The following PRSS57 variants were observed in gnomAD, a reference collection of about 807,000 sequenced individuals.
The protein encoded by PRSS57 is serine protease 57, also known as neutrophil serine protease 4.
In PRSS57, 19 loss-of-function variants were observed where a neutral mutation model predicts 20.6. That is an observed-to-expected ratio of 0.92 (90% CI 0.64 to 1.35). The LOEUF is 1.35. Among genes scored for constraint, PRSS57 ranks in the 40% most tolerant of loss-of-function variants. PRSS57 has a pLI of 0.00. For synonymous variants in PRSS57, 203 were observed against 176.6 expected (o/e 1.15, Z -1.19); for missense variants, 440 against 403.7 (o/e 1.09, Z -0.77).
Position 687,126 on chromosome 19 carries a change from G to A in PRSS57, c.441C>T (p.Ala147=), listed in dbSNP as rs757466728. ...VGLLRPPGRR[A]RPPTAGTRCR... ...ACCGTGTCCCCGCTGTGGGGGGCCTGGCCCTTCTCCCTGGCGGCCTCAGCA... is the reference window on the plus strand; with the variant it reads ...ACCGTGTCCCCGCTGTGGGGGGCCTAGCCCTTCTCCCTGGCGGCCTCAGCA... The change falls in exon 4 of 5, where the codon GCC becomes GCT. Residue 147 remains alanine (A), a synonymous_variant. Transcript: ENST00000329267. The A allele has an allele frequency of 6.2e-7, 1 of 1,609,824 alleles. No homozygotes were observed. Among genetic ancestry groups the A allele is most frequent in the South Asian group, 1.1e-5 (1 of 90,700 alleles).
intron 3 of PRSS57, among the ~76,000 whole-genome samples, chr19:688,944 G>A (rs937536235): frequency 2.6e-5 from 4 of 152,164 alleles, no homozygotes; most frequent in South Asian, 4.1e-4. Flanking sequence ...GCAGGGGCCC[G>A]AGAGGCACAT....
At chr19:689,579 G>A (rs1031043087) in intron 3 of PRSS57, among the ~76,000 whole-genome samples, 1 of 152,076 alleles carries the variant, frequency 6.6e-6, no homozygotes, top group Admixed American at 6.5e-5. Flanking sequence ...GCCACTGGGG[G>A]GTCCAGGGCA....
chr19:691,131 G>C (rs570410367), intron 3 of PRSS57: 2 of 221,020 alleles, frequency 9.0e-6, no homozygotes, highest in South Asian at 8.9e-5. Flanking sequence ...ACTCACACCA[G>C]AGTCTCCGTG....
chr19:693,103 A>AT lies in PRSS57; in HGVS notation c.234-1102dup, dbSNP rs545511003. On this transcript the variant is annotated intron_variant, in intron 2 of 4. Transcript: ENST00000329267. ...CCACCATATCCGGCTAATTTTTTGT[A>AT]TTTTTTTTTAGTAGAGACAGGGTTT... Among the ~76,000 whole-genome samples the AT allele has an allele frequency of 8.4e-3, 1,231 of 146,566 alleles. 8 individuals are homozygous for AT. The highest frequency in any genetic ancestry group is 0.014 in the Non-Finnish European group (934 of 66,504).
At position 685,771 on chromosome 19, in the gene PRSS57, C is replaced by A; in HGVS notation, c.794G>T (p.Ser265Ile). Residue 265 changes from serine to isoleucine, a missense_variant, in exon 5 of 5, where the codon AGT (serine) becomes ATT (isoleucine). Transcript: ENST00000329267. ...CCCAGGCAGGGGGCCGGGCTGGGGA[C>A]TGCTCCGCCGAACCACGTCCCAGAT... ...AWIWDVVRRS[S>I]PQPGPLPGTT... is the part of the protein sequence containing the mutation. The A allele has an allele frequency of 6.4e-7, 1 of 1,565,962 alleles. No individual in the cohort carries two copies. Among genetic ancestry groups the A allele is most frequent in the East Asian group, 2.4e-5 (1 of 42,124 alleles).
intron 4 of PRSS57, 108 bp downstream of exon 4, chr19:686,817 T>C: frequency 7.2e-7 from 1 of 1,381,230 alleles, no homozygotes; most frequent in Non-Finnish European, 9.9e-7. Flanking sequence ...CTCCGTCTGG[T>C]CCAACATCAA....
In PRSS57 at chr19:687,071, C is replaced by T; in HGVS notation, c.496G>A (p.Asp166Asn). 6.2e-7 allele frequency: 1 copy of T among 1,614,024 alleles called. No individual in the cohort carries two copies. Among genetic ancestry groups the T allele is most frequent in the Non-Finnish European group, 8.5e-7 (1 of 1,180,004 alleles). ...AGTCCAGGCGGCAGCTCCTCAAAGT[C>T]AGACACGAAGCCCCAGCCAGCCACC... is the stretch of plus-strand genomic sequence containing the variant. ...CRVAGWGFVS[D>N]FEELPPGLME... Residue 166 changes from aspartate to asparagine, a missense_variant, in exon 4 of 5, where the codon GAC (aspartate) becomes AAC (asparagine). Coordinates refer to ENST00000329267, the MANE Select transcript of PRSS57 (RefSeq NM_001308209.2).
chr19:691,925 A>T lies in PRSS57; in HGVS notation c.311T>A (p.Ile104Asn), dbSNP rs771434112. The change falls in exon 3 of 5, where the codon ATC (isoleucine) becomes AAC (asparagine). Residue 104 changes from isoleucine (I) to asparagine (N), a missense_variant. Ile to Asn is a moderately radical substitution (Grantham distance 149). Transcript: ENST00000329267. ...GTCGGGGTGTGTGGTGAGAGCATCG[A>T]TGCCAAACACCTGCTGGGTGGGCTC... is the stretch of plus-strand genomic sequence containing the variant. Reference protein sequence around the residue: ...TAEPTQQVFGIDALTTHPDYH... With the variant: ...TAEPTQQVFGNDALTTHPDYH... The T allele has an allele frequency of 3.7e-6, 5 of 1,336,422 alleles. No individual in the cohort carries two copies. In the East Asian group the frequency reaches 1.1e-4, roughly 30 times the overall value. The allele number at this position is 1,336,422 out of a possible 1,614,324, so 82.8% of individuals were successfully genotyped here.
At position 695,234 on chromosome 19, in the gene PRSS57, G is replaced by A. The variant is rs116151895; in HGVS notation, c.79+118C>T. Reference sequence around the variant, plus strand: ...CCAGCAGAGGCAGCCACGGGGGCTCGGCAGATGGAGCAGGTGGAGCTCTCC... The same window carrying A: ...CCAGCAGAGGCAGCCACGGGGGCTCAGCAGATGGAGCAGGTGGAGCTCTCC... On this transcript the variant is annotated intron_variant, in intron 1 of 4. Transcript: ENST00000329267. The A allele has an allele frequency of 8.2e-3, 4,122 of 501,336 alleles. 98 individuals are homozygous for A. Among genetic ancestry groups the A allele is most frequent in the African/African-American group, 0.054 (2,722 of 50,344 alleles). The allele number at this position is 501,336 out of a possible 1,614,324, so 31.1% of individuals were successfully genotyped here.
chr19:694,379 C>A (rs1436184570), intron 2 of PRSS57, among the ~76,000 whole-genome samples: 2 of 151,754 alleles, frequency 1.3e-5, no homozygotes, highest in Non-Finnish European at 2.9e-5. Flanking sequence ...ACCAGCCTGG[C>A]CAACATGGTG....
Position 685,683 on chromosome 19 carries a change from G to C in PRSS57, c.*33C>G. On this transcript the variant is annotated 3_prime_UTR_variant, in exon 5 of 5. Coordinates refer to ENST00000329267, the MANE Select transcript of PRSS57 (RefSeq NM_001308209.2). ...CCACGGAACATTCCAGGCCTGGAGC[G>C]GCCATCTCATTTGCATGCCGCAAGG... The C allele has an allele frequency of 6.7e-7, 1 of 1,488,500 alleles. No individual in the cohort carries two copies. The highest frequency in any genetic ancestry group is 1.3e-5 in the South Asian group (1 of 78,408). 92.2% of individuals were successfully genotyped at this position (1,488,500 alleles called of 1,614,324 possible). A position where few individuals can be genotyped will look rare whatever the true frequency, so the allele number is the denominator to read the frequency against.
chr19:693,492 A>G (rs1008691042), intron 2 of PRSS57, among the ~76,000 whole-genome samples: 13 of 152,064 alleles, frequency 8.5e-5, no homozygotes, highest in Non-Finnish European at 1.6e-4. Flanking sequence ...AATCCATTTA[A>G]TGCTCACGCC....
intron 3 of PRSS57, among the ~76,000 whole-genome samples, chr19:688,344 C>T (rs545269513): frequency 1.4e-5 from 2 of 143,564 alleles, no homozygotes; most frequent in Admixed American, 6.8e-5. Flanking sequence ...GCTCCTCCTC[C>T]TTTTTTTTTT....
At position 695,445 on chromosome 19, in the gene PRSS57, G is replaced by A. The variant is rs1006804233; in HGVS notation, c.-15C>T. ...CCGAGCCCCATGGCAGACGCAGGCT[G>A]GCGTCTCCCCGCAGAGGTCTTCGGG... On this transcript the variant is annotated 5_prime_UTR_variant, in exon 1 of 5. Coordinates refer to ENST00000329267, the MANE Select transcript of PRSS57 (RefSeq NM_001308209.2). 1 of 1,249,140 alleles carries A rather than the reference G, an allele frequency of 8.0e-7. No homozygotes were observed. The highest frequency in any genetic ancestry group is 1.5e-5 in the African/African-American group (1 of 65,152). The allele number at this position is 1,249,140 out of a possible 1,614,324, so 77.4% of individuals were successfully genotyped here. A position where few individuals can be genotyped will look rare whatever the true frequency, so the allele number is the denominator to read the frequency against.
At chr19:693,280 C>G (rs1027475838) in intron 2 of PRSS57, among the ~76,000 whole-genome samples, 1 of 136,926 alleles carries the variant, frequency 7.3e-6, no homozygotes, top group Non-Finnish European at 1.5e-5. Flanking sequence ...TCACCCAGGC[C>G]GCAGTGGTGT....
In PRSS57 at chr19:685,554, A is replaced by T; in HGVS notation, c.*162T>A. ...CACGGGTGAGGCTGGAAGTCAGTTA[A>T]CATTTTACTGGGTTTGCTTCTGCCC... On this transcript the variant is annotated 3_prime_UTR_variant, in exon 5 of 5. Transcript: ENST00000329267. 1.5e-6 allele frequency: 1 copy of T among 686,690 alleles called. No homozygotes were observed. The highest frequency in any genetic ancestry group is 2.8e-5 in the East Asian group (1 of 36,324). 42.5% of individuals were successfully genotyped at this position (686,690 alleles called of 1,614,324 possible).
In PRSS57 at chr19:693,015, C is replaced by A. The variant is rs554660994; in HGVS notation, c.234-1013G>T. On this transcript the variant is annotated intron_variant, in intron 2 of 4. Transcript: ENST00000329267. ...CAATCTTGGCTCTCTGCAAGCTCCACCTCCCGGGTTCACGCCATTCTCCTG... is the reference window on the plus strand; with the variant it reads ...CAATCTTGGCTCTCTGCAAGCTCCAACTCCCGGGTTCACGCCATTCTCCTG... Among the ~76,000 whole-genome samples, 4 of 151,458 alleles carry A rather than the reference C, an allele frequency of 2.6e-5. No individual in the cohort carries two copies. The East Asian group carries it at 7.8e-4, about 29-fold the overall frequency.
Position 685,904 on chromosome 19 carries a change from G to A in PRSS57, c.661C>T (p.Leu221=). The change falls in exon 5 of 5, where the codon CTG becomes TTG. Residue 221 remains leucine, a synonymous_variant. Coordinates refer to ENST00000329267, the MANE Select transcript of PRSS57 (RefSeq NM_001308209.2). ...GFCSADSGGP[L]VCRNRAHGLV... ...CCGTGAGCCCGGTTCCTGCACACCAGGGGCCCTCCGGAGTCGGCCTGGAGT... is the reference window on the plus strand; with the variant it reads ...CCGTGAGCCCGGTTCCTGCACACCAAGGGCCCTCCGGAGTCGGCCTGGAGT... The A allele has an allele frequency of 6.5e-7, 1 of 1,546,020 alleles. No individual in the cohort carries two copies. Among genetic ancestry groups the A allele is most frequent in the Non-Finnish European group, 8.7e-7 (1 of 1,144,448 alleles).
intron 3 of PRSS57, among the ~76,000 whole-genome samples, chr19:691,515 A>G (rs990601581): frequency 5.4e-5 from 8 of 147,210 alleles, no homozygotes; most frequent in African/African-American, 1.0e-4. Flanking sequence ...AAAAAAAAAA[A>G]AAAAGAAAAG....
Sources: allele counts gnomAD v4.1 joint callset (sites outside exome capture counted in the v4.1 genomes callset), GRCh38; gene constraint gnomAD v4.1.1; transcripts MANE v1.5; gene names NCBI Gene and HGNC (gene_info 2026-07-23, HGNC 2026-07-21).